Variants in ANKAR observed in about 807,000 individuals in gnomAD.
ANKAR encodes ankyrin and armadillo repeat containing.
Under a neutral mutation model 146.2 loss-of-function variants are expected in ANKAR, and 136 were observed. The observed-to-expected ratio is 0.93, with a 90% CI of 0.81 to 1.07. The LOEUF is 1.07. ANKAR is among the 50% of genes least tolerant of loss of function. The pLI, the probability that ANKAR is intolerant of heterozygous loss-of-function variation, is 0.00. For synonymous variants in ANKAR, 500 were observed against 575.8 expected (o/e 0.87, Z 1.88); for missense variants, 1,567 against 1,679.9 (o/e 0.93, Z 1.18).
downstream of ANKAR, among the ~76,000 whole-genome samples, chr2:189,750,141 TA>T (rs912830935): frequency 9.2e-5 from 14 of 151,378 alleles, no homozygotes; most frequent in East Asian, 1.9e-4. Context: ...ATAATAATGA[TA>T]AAAAAAAATT....
intron 10 of ANKAR, among the ~76,000 whole-genome samples, chr2:189,712,299 G>A (rs1002438087): frequency 6.6e-6 from 1 of 152,218 alleles, no homozygotes; most frequent in Non-Finnish European, 1.5e-5. Flanking sequence ...CTCCTCAAGT[G>A]GGTCCCTCAC....
intron 7 of ANKAR, 26 bp downstream of exon 7, chr2:189,696,395 ATGT>A (rs755855826): frequency 1.3e-6 from 2 of 1,593,026 alleles, no homozygotes; most frequent in South Asian, 1.1e-5. Context: ...TTAACCTAAA[ATGT>A]TGTTATTTTA....
chr2:189,698,363 G>A (rs2037553539), intron 7 of ANKAR, among the ~76,000 whole-genome samples: 1 of 150,864 alleles, frequency 6.6e-6, no homozygotes, highest in Non-Finnish European at 1.5e-5. Flanking sequence ...ATAAATTCAG[G>A]CCCACAAGTG....
At chr2:189,742,945 CA>C (rs2043563701) in intron 20 of ANKAR, among the ~76,000 whole-genome samples, 3 of 143,580 alleles carry the variant, frequency 2.1e-5, no homozygotes, top group African/African-American at 5.3e-5. Context: ...CACACACACA[CA>C]CACACACACA....
chr2:189,684,628 G>A (rs1011215585), intron 2 of ANKAR, among the ~76,000 whole-genome samples: 25 of 151,992 alleles, frequency 1.6e-4, no homozygotes, highest in Admixed American at 6.6e-5. Flanking sequence ...GCCGAGGTAG[G>A]TGGTTCGCTT....
intron 10 of ANKAR, 134 bp downstream of exon 10, chr2:189,711,287 C>A: frequency 3.4e-6 from 2 of 587,214 alleles, no homozygotes; most frequent in Non-Finnish European, 5.7e-6. Context: ...TTGCTAAGAT[C>A]ACTTCATTTA....
At chr2:189,713,029 TG>T (rs2039923418) in intron 10 of ANKAR, among the ~76,000 whole-genome samples, 1 of 151,722 alleles carries the variant, frequency 6.6e-6, no homozygotes, top group Non-Finnish European at 1.5e-5. Flanking sequence ...TATCAGTGAT[TG>T]AAGATCAAAT....
At chr2:189,718,388 A>G (rs1286348089) in intron 10 of ANKAR, among the ~76,000 whole-genome samples, 1 of 151,964 alleles carries the variant, frequency 6.6e-6, no homozygotes, top group Non-Finnish European at 1.5e-5. Flanking sequence ...ACACACACAC[A>G]CACACAAAGA....
chr2:189,713,267 A>C (rs1228395158), intron 10 of ANKAR, among the ~76,000 whole-genome samples: 1 of 152,204 alleles, frequency 6.6e-6, no homozygotes, highest in Non-Finnish European at 1.5e-5. Flanking sequence ...AATACAGAGA[A>C]CACCACAAAG....
chr2:189,745,024 C>CTAATAATAATAATAATAA (rs777180514), intron 22 of ANKAR, among the ~76,000 whole-genome samples: 7 of 33,774 alleles, frequency 2.1e-4, no homozygotes, highest in Non-Finnish European at 7.9e-4. Context: ...ACTACTACTA[C>CTAATAATAATAATAATAA]TACTAATAAT....
At chr2:189,749,513 A>G (rs552571967), downstream of ANKAR, among the ~76,000 whole-genome samples, 3 of 152,142 alleles carry the variant, frequency 2.0e-5, no homozygotes, top group South Asian at 6.2e-4. Flanking sequence ...AACAGTGATA[A>G]GCTTATAATA....
downstream of ANKAR, chr2:189,761,524 T>A: frequency 6.2e-7 from 1 of 1,612,758 alleles, no homozygotes. Flanking sequence ...CAATTCCCAA[T>A]ACTATTTTAT....
chr2:189,724,660 A>G (rs2041663438), intron 12 of ANKAR, among the ~76,000 whole-genome samples: 1 of 152,194 alleles, frequency 6.6e-6, no homozygotes, highest in Non-Finnish European at 1.5e-5. Flanking sequence ...AATATTTTTG[A>G]CATAAATTGA....
intron 10 of ANKAR, among the ~76,000 whole-genome samples, chr2:189,711,909 A>G (rs942434573): frequency 1.3e-5 from 2 of 152,224 alleles, no homozygotes; most frequent in Non-Finnish European, 1.5e-5. Flanking sequence ...TGCTTTTCCA[A>G]TGATCTTAGC....
At chr2:189,761,965 CTATT>C (rs1361659847), downstream of ANKAR, among the ~76,000 whole-genome samples, 1 of 152,088 alleles carries the variant, frequency 6.6e-6, no homozygotes, top group East Asian at 1.9e-4. Flanking sequence ...CTGAAAAGTG[CTATT>C]TATTTTTTGA....
downstream of ANKAR, chr2:189,750,678 C>A (rs373631423): frequency 1.9e-6 from 3 of 1,541,842 alleles, no homozygotes; most frequent in East Asian, 2.3e-5. Flanking sequence ...GCAGACAAAT[C>A]GTATTATTTA....
intron 7 of ANKAR, among the ~76,000 whole-genome samples, chr2:189,703,973 G>C (rs1403451453): frequency 6.6e-6 from 1 of 152,068 alleles, no homozygotes; most frequent in Non-Finnish European, 1.5e-5. Context: ...TCAACACTTG[G>C]GGATTACAAT....
At chr2:189,685,508 T>G (rs2035447354) in intron 2 of ANKAR, among the ~76,000 whole-genome samples, 2 of 152,200 alleles carry the variant, frequency 1.3e-5, no homozygotes, top group Admixed American at 6.5e-5. Context: ...CACCTTCCTT[T>G]AGCACCCCTC....
chr2:189,753,204 C>T (rs1290243764), intron 18 of ANKAR: 2 of 298,844 alleles, frequency 6.7e-6, no homozygotes, highest in African/African-American at 4.3e-5. Flanking sequence ...TATTTTCTTC[C>T]AACCTTTCAT....
Sources: gnomAD v4.1 joint callset for allele counts (sites outside exome capture counted in the v4.1 genomes callset) on GRCh38, gnomAD v4.1.1 for gene constraint, MANE v1.5 for transcripts, NCBI Gene and HGNC (gene_info 2026-07-23, HGNC 2026-07-21) for gene names.